TAFA1: variants seen among roughly 807,000 people sequenced by gnomAD.
TAFA1 encodes the protein TAFA chemokine like family member 1.
In TAFA1, 4 loss-of-function variants were observed where a neutral mutation model predicts 18.5. The observed-to-expected ratio is 0.22, with a 90% CI of 0.11 to 0.49. The LOEUF is 0.49. TAFA1 is among the 20% of genes least tolerant of loss of function. The pLI is 0.98. For missense variants in TAFA1, 147 were observed against 169.0 expected (o/e 0.87, Z 0.72); for synonymous variants, 56 against 55.2 (o/e 1.01, Z -0.06).
intron 2 of TAFA1, among the ~76,000 whole-genome samples, chr3:68,078,290 A>G (rs2064852594): frequency 6.6e-6 from 1 of 151,396 alleles, no homozygotes; most frequent in South Asian, 2.1e-4. Context: ...TTCCTAATTG[A>G]ATACCCTTTA....
chr3:68,514,622 A>G (rs1393049698), intron 3 of TAFA1, among the ~76,000 whole-genome samples: 1 of 152,048 alleles, frequency 6.6e-6, no homozygotes, highest in African/African-American at 2.4e-5. Flanking sequence ...GTTTTCTTCT[A>G]CATTGGGTTC....
In TAFA1 at chr3:68,007,716, C is replaced by T. The variant is rs7653356; in HGVS notation, c.118+972C>T. 7.9e-3 allele frequency among the ~76,000 whole-genome samples: 1,207 copies of T among 152,010 alleles called. 20 individuals are homozygous for T. The highest frequency in any genetic ancestry group is 0.027 in the African/African-American group (1,137 of 41,418). On this transcript the variant is annotated intron_variant, in intron 2 of 4. Coordinates refer to ENST00000478136, the MANE Select transcript of TAFA1 (RefSeq NM_213609.4). ...GTTCTGAAGTGCTCCCAGCCCTCCA[C>T]CCGCCTCTCCAAATCCCATCAATGG...
intron 2 of TAFA1, among the ~76,000 whole-genome samples, chr3:68,264,660 A>AAT (rs1401379792): frequency 9.8e-6 from 1 of 102,086 alleles, no homozygotes; most frequent in Admixed American, 1.2e-4. Context: ...AGCTTAACAC[A>AAT]GTCAATGAAA....
intron 3 of TAFA1, among the ~76,000 whole-genome samples, chr3:68,463,596 A>G (rs772358695): frequency 4.6e-5 from 7 of 152,118 alleles, no homozygotes; most frequent in South Asian, 2.1e-4. Flanking sequence ...CATGTCCACA[A>G]TGAATCTTGA....
intron 2 of TAFA1, among the ~76,000 whole-genome samples, chr3:68,261,670 A>T (rs1172075804): frequency 1.3e-5 from 2 of 152,206 alleles, no homozygotes; most frequent in Admixed American, 6.5e-5. Flanking sequence ...ACAAGGACAA[A>T]AAACCAAACA....
intron 2 of TAFA1, among the ~76,000 whole-genome samples, chr3:68,042,817 T>C (rs1705193727): frequency 6.6e-6 from 1 of 152,224 alleles, no homozygotes; most frequent in Non-Finnish European, 1.5e-5. Context: ...TCCAGTTCAA[T>C]TCCTCAAACC....
intron 2 of TAFA1, among the ~76,000 whole-genome samples, chr3:68,035,133 G>T (rs1240935002): frequency 6.6e-6 from 1 of 152,108 alleles, no homozygotes; most frequent in East Asian, 1.9e-4. Flanking sequence ...TGTCATCTCA[G>T]ATTTATTTTT....
chr3:68,466,171 C>G (rs2071881714), intron 3 of TAFA1, among the ~76,000 whole-genome samples: 1 of 152,070 alleles, frequency 6.6e-6, no homozygotes, highest in African/African-American at 2.4e-5. Context: ...GCATACTTCA[C>G]TTCTCGGTAA....
intron 3 of TAFA1, among the ~76,000 whole-genome samples, chr3:68,459,731 C>A (rs1444840658): frequency 6.6e-6 from 1 of 152,164 alleles, no homozygotes; most frequent in East Asian, 1.9e-4. Context: ...TCCCTATTTA[C>A]CCATATAAGA....
chr3:68,303,553 G>A (rs375605046), intron 2 of TAFA1, among the ~76,000 whole-genome samples: 8 of 151,848 alleles, frequency 5.3e-5, no homozygotes, highest in Admixed American at 3.3e-4. Flanking sequence ...CCATTCTCCC[G>A]CCTCAGCCTC....
intron 2 of TAFA1, among the ~76,000 whole-genome samples, chr3:68,042,069 T>G (rs1271948503): frequency 1.3e-5 from 2 of 152,182 alleles, no homozygotes; most frequent in Non-Finnish European, 1.5e-5. Flanking sequence ...ATGGGAAAAT[T>G]GACAGACCTG....
At chr3:68,428,348 T>C (rs2071098220) in intron 3 of TAFA1, among the ~76,000 whole-genome samples, 1 of 151,846 alleles carries the variant, frequency 6.6e-6, no homozygotes, top group Admixed American at 6.6e-5. Flanking sequence ...GTTCCAGCCA[T>C]TTTATTAGCT....
intron 3 of TAFA1, among the ~76,000 whole-genome samples, chr3:68,440,286 C>T (rs2071351600): frequency 6.6e-6 from 1 of 152,312 alleles, no homozygotes; most frequent in South Asian, 2.1e-4. Flanking sequence ...GAGGCCTCCC[C>T]AGCCACACAG....
chr3:68,293,150 G>A (rs1333825515), intron 2 of TAFA1, among the ~76,000 whole-genome samples: 1 of 152,104 alleles, frequency 6.6e-6, no homozygotes, highest in Non-Finnish European at 1.5e-5. Flanking sequence ...CTTCATAGTT[G>A]ATGAGATGCT....
chr3:68,022,130 T>C (rs754766190), intron 2 of TAFA1, among the ~76,000 whole-genome samples: 5 of 152,230 alleles, frequency 3.3e-5, no homozygotes, highest in Non-Finnish European at 5.9e-5. Context: ...GATTTAATTG[T>C]ATTTAATTAA....
intron 2 of TAFA1, among the ~76,000 whole-genome samples, chr3:68,082,700 CTTTG>C (rs1289278081): frequency 6.6e-6 from 1 of 151,986 alleles, no homozygotes; most frequent in East Asian, 1.9e-4. Context: ...TATTATAATA[CTTTG>C]TTTATGTCTG....
At chr3:68,068,583 T>C (rs1314787359) in intron 2 of TAFA1, among the ~76,000 whole-genome samples, 19 of 152,190 alleles carry the variant, frequency 1.2e-4, no homozygotes, top group Admixed American at 1.2e-3. Context: ...TATCTGTATT[T>C]TTTCTTCCCC....
intron 3 of TAFA1, among the ~76,000 whole-genome samples, chr3:68,429,926 A>G (rs2071136460): frequency 1.3e-5 from 2 of 151,902 alleles, no homozygotes; most frequent in African/African-American, 4.8e-5. Flanking sequence ...TTGACTTGTT[A>G]TCTCCTTTGC....
rs556894509 is a variant in TAFA1, at chr3:68,470,387, C to T, written c.259+52967C>T. On this transcript the variant is annotated intron_variant, in intron 3 of 4. Transcript: ENST00000478136. ...CTAAAGATACCCCAAAATGTGGAAG[C>T]TAATTTGGAACTGGGTAACAGGCAG... 2.0e-5 allele frequency among the ~76,000 whole-genome samples: 3 copies of T among 152,232 alleles called. No individual in the cohort carries two copies. The East Asian group carries it at 5.8e-4, about 29-fold the overall frequency.
Sources: gnomAD v4.1 joint callset for allele counts (sites outside exome capture counted in the v4.1 genomes callset) on GRCh38, gnomAD v4.1.1 for gene constraint, MANE v1.5 for transcripts, NCBI Gene and HGNC (gene_info 2026-07-23, HGNC 2026-07-21) for gene names.